Variants in TNFRSF11A observed in about 807,000 individuals in gnomAD.
TNFRSF11A encodes TNF receptor superfamily member 11a.
A neutral mutation model predicts 55.7 loss-of-function variants in TNFRSF11A; 32 were observed. The observed-to-expected ratio is 0.57, with a 90% CI of 0.43 to 0.77. The LOEUF (loss-of-function observed/expected upper bound fraction) is 0.77. Among genes scored for constraint, TNFRSF11A ranks in the 30% least tolerant of loss-of-function variants. The probability of loss-of-function intolerance (pLI) is 0.00; values close to 1 mark genes in which losing one functional copy is unlikely to be tolerated. For missense variants in TNFRSF11A, 753 were observed against 809.8 expected (o/e 0.93, Z 0.85); for synonymous variants, 311 against 331.0 (o/e 0.94, Z 0.65).
chr18:62,351,966 T>C (rs897201705), intron 3 of TNFRSF11A, among the ~76,000 whole-genome samples: 4 of 152,144 alleles, frequency 2.6e-5, no homozygotes, highest in Admixed American at 2.0e-4. Context: ...CCTGCTAACT[T>C]TTATATTTTT....
At chr18:62,362,187 G>A (rs1460833299) in intron 7 of TNFRSF11A, among the ~76,000 whole-genome samples, 3 of 152,074 alleles carry the variant, frequency 2.0e-5, no homozygotes, top group Non-Finnish European at 2.9e-5. Context: ...TGACTGGAGT[G>A]TTACTTTGAA....
intron 1 of TNFRSF11A, among the ~76,000 whole-genome samples, chr18:62,339,173 C>T (rs532362220): frequency 7.2e-5 from 11 of 152,206 alleles, no homozygotes; most frequent in Non-Finnish European, 1.5e-4. Context: ...AACTCACTGA[C>T]TAGCTGCCCT....
chr18:62,352,651 C>T (rs551290533), intron 3 of TNFRSF11A, among the ~76,000 whole-genome samples: 66 of 152,292 alleles, frequency 4.3e-4, no homozygotes, highest in African/African-American at 1.3e-3. Flanking sequence ...CGGATGGGAT[C>T]CTAGGAGTAG....
intron 1 of TNFRSF11A, among the ~76,000 whole-genome samples, chr18:62,337,222 T>C (rs1258891709): frequency 6.6e-6 from 1 of 152,246 alleles, no homozygotes; most frequent in Non-Finnish European, 1.5e-5. Flanking sequence ...AAAAAAGAAC[T>C]TGTGACAAAA....
chr18:62,373,301 T>G lies in TNFRSF11A; in HGVS notation c.1567+3817T>G, dbSNP rs1300889320. The stretch of plus-strand genomic sequence containing the variant: ...GGGGAAACCCCATCTCTACTAAAAA[T>G]AAAAAAAATTAGCTGGGCATGGTGG... On this transcript the variant is annotated intron_variant, in intron 9 of 9. Transcript: ENST00000586569. Among the ~76,000 whole-genome samples, 5 of 151,664 alleles carry G rather than the reference T, an allele frequency of 3.3e-5. No homozygotes were observed. In the East Asian group the frequency reaches 9.7e-4, roughly 29 times the overall value.
intron 4 of TNFRSF11A, among the ~76,000 whole-genome samples, chr18:62,356,262 A>G (rs1406223993): frequency 6.6e-6 from 1 of 152,226 alleles, no homozygotes; most frequent in Non-Finnish European, 1.5e-5. Context: ...ATATCAAGGA[A>G]AATGTCCATC....
In TNFRSF11A at chr18:62,325,535, C is replaced by A; in HGVS notation, c.75+108C>A. ...TGGCTCCTCCGCCTTCCGAGAGGAG[C>A]CGGAGTTTTGGGGAGCGGAGGCCGT... On this transcript the variant is annotated intron_variant, in intron 1 of 9. Transcript: ENST00000586569. This position sits in a 1 kb window ranked among gnomAD's most constrained non-coding sequence, Gnocchi z 4.7. The A allele has an allele frequency of 1.4e-6, 1 of 697,846 alleles. No homozygotes were observed. The allele number at this position is 697,846 out of a possible 1,614,324, so 43.2% of individuals were successfully genotyped here.
In TNFRSF11A at chr18:62,359,937, C is replaced by T. The variant is rs367761272; in HGVS notation, c.522-18C>T. The T allele has an allele frequency of 1.2e-6, 2 of 1,608,904 alleles. No individual in the cohort carries two copies. The highest frequency in any genetic ancestry group is 3.3e-5 in the Admixed American group (2 of 59,992). On this transcript the variant is annotated intron_variant, in intron 5 of 9. Transcript: ENST00000586569. Reference sequence around the variant, plus strand: ...AAGCTTATAAAACCAAAGCACTGAACCACCTTTTCCCCCACAGCTGTACCT... The same window carrying T: ...AAGCTTATAAAACCAAAGCACTGAATCACCTTTTCCCCCACAGCTGTACCT...
At chr18:62,334,433 G>A (rs896236366) in intron 1 of TNFRSF11A, among the ~76,000 whole-genome samples, 3 of 152,108 alleles carry the variant, frequency 2.0e-5, no homozygotes, top group Admixed American at 6.5e-5. Context: ...ATCTCTCCAC[G>A]CGTGTTCATC....
rs907952727 is a variant in TNFRSF11A at position 62,361,628 on chromosome 18, C to T, written c.617-52C>T. Reference sequence around the variant, plus strand: ...TTTACCGGGATTTGTTTTTCAACTGCGTAAAATTAAAGAATCTTTACTACC... The same window carrying T: ...TTTACCGGGATTTGTTTTTCAACTGTGTAAAATTAAAGAATCTTTACTACC... On this transcript the variant is annotated intron_variant, in intron 6 of 9. Transcript: ENST00000586569. 7 of 1,522,756 alleles carry T rather than the reference C, an allele frequency of 4.6e-6. No homozygotes were observed. The African/African-American group carries it at 5.5e-5, about 12-fold the overall frequency. The allele number at this position is 1,522,756 out of a possible 1,614,324, so 94.3% of individuals were successfully genotyped here.
At chr18:62,351,243 T>C (rs1246574969) in intron 3 of TNFRSF11A, among the ~76,000 whole-genome samples, 1 of 152,196 alleles carries the variant, frequency 6.6e-6, no homozygotes, top group Non-Finnish European at 1.5e-5. Flanking sequence ...CCTCAAGTGA[T>C]GCACCCGCCT....
chr18:62,352,557 G>A (rs2046488880), intron 3 of TNFRSF11A, among the ~76,000 whole-genome samples: 1 of 152,166 alleles, frequency 6.6e-6, no homozygotes. Flanking sequence ...TACTGCCAAA[G>A]TTGATTAAAG....
chr18:62,351,988 C>T (rs1177681562), intron 3 of TNFRSF11A, among the ~76,000 whole-genome samples: 2 of 151,982 alleles, frequency 1.3e-5, no homozygotes, highest in East Asian at 3.9e-4. Context: ...GTAGAGAGGG[C>T]GTTTCACCGT....
intron 1 of TNFRSF11A, among the ~76,000 whole-genome samples, chr18:62,343,809 G>C (rs2046346601): frequency 6.6e-6 from 1 of 152,178 alleles, no homozygotes; most frequent in African/African-American, 2.4e-5. Flanking sequence ...TTTGTAGGGG[G>C]AATTTGTATG....
intron 2 of TNFRSF11A, 133 bp downstream of exon 2, chr18:62,348,382 C>T: frequency 1.3e-6 from 1 of 762,626 alleles, no homozygotes; most frequent in Non-Finnish European, 2.3e-6. Context: ...TAATGTCTGT[C>T]ACTCTGAAGA....
intron 9 of TNFRSF11A, chr18:62,373,836 C>T (rs1600414531): frequency 6.6e-6 from 1 of 152,280 alleles, no homozygotes; most frequent in South Asian, 2.1e-4. Flanking sequence ...GACCCCTCAT[C>T]CTCCTCTGTC....
chr18:62,366,898 G>A (rs1405008941), intron 8 of TNFRSF11A, 138 bp downstream of exon 8: 15 of 891,524 alleles, frequency 1.7e-5, no homozygotes, highest in Non-Finnish European at 2.8e-5. Context: ...CCTCAGGCTG[G>A]AGTGCAGGGG....
Position 62,389,297 on chromosome 18 carries a change from C to G in TNFRSF11A, c.*4263C>G, listed in dbSNP as rs563208399. The G allele has an allele frequency of 2.6e-5, 4 of 152,420 alleles. No homozygotes were observed. Among genetic ancestry groups the G allele is most frequent in the Admixed American group, 1.3e-4 (2 of 15,286 alleles). The allele number at this position is 152,420 out of a possible 1,614,324, so 9.4% of individuals were successfully genotyped here. ...CCAGAGCCCTGCTGGTGAAGTCTTGCAACCACTAAAGCTTTGCCAGAGAAG... is the reference window on the plus strand; with the variant it reads ...CCAGAGCCCTGCTGGTGAAGTCTTGGAACCACTAAAGCTTTGCCAGAGAAG... On this transcript the variant is annotated 3_prime_UTR_variant, in exon 10 of 10. Transcript: ENST00000586569.
intron 3 of TNFRSF11A, 141 bp from the exon 4 acceptor site, chr18:62,354,250 A>G: frequency 9.4e-7 from 1 of 1,059,092 alleles, no homozygotes; most frequent in Non-Finnish European, 1.3e-6. Flanking sequence ...GGACTTCTCG[A>G]GCAGTGTCCT....
Sources: allele counts gnomAD v4.1 joint callset (sites outside exome capture counted in the v4.1 genomes callset), GRCh38; gene constraint gnomAD v4.1.1; non-coding constraint Gnocchi (gnomAD v3.1); transcripts MANE v1.5; gene names NCBI Gene and HGNC (gene_info 2026-07-23, HGNC 2026-07-21).